Variants in PPM1E observed in about 807,000 individuals in gnomAD.
PPM1E encodes the protein protein phosphatase, Mg2+/Mn2+ dependent 1E.
In PPM1E, 20 loss-of-function variants were observed where a neutral mutation model predicts 65.9. The ratio of observed to expected loss-of-function variants is 0.30; its 90% CI spans 0.21 to 0.44. PPM1E has a LOEUF of 0.44. PPM1E is among the 20% of genes least tolerant of loss of function. The pLI, the probability that PPM1E is intolerant of heterozygous loss-of-function variation, is 1.00. For missense variants in PPM1E, 713 were observed against 953.1 expected (o/e 0.75, Z 3.32); for synonymous variants, 352 against 374.9 (o/e 0.94, Z 0.70).
chr17:58,885,527 G>C (rs915005256), intron 1 of PPM1E, among the ~76,000 whole-genome samples: 2 of 152,166 alleles, frequency 1.3e-5, no homozygotes, highest in Non-Finnish European at 2.9e-5. Flanking sequence ...TAAGGAATAA[G>C]CCTTACTTTT....
At chr17:58,899,523 C>T in intron 1 of PPM1E, 1 of 228,310 alleles carries the variant, frequency 4.4e-6, no homozygotes, top group Non-Finnish European at 9.2e-6. Context: ...ACCGTATCAC[C>T]CTAATTAAGG....
intron 2 of PPM1E, among the ~76,000 whole-genome samples, chr17:58,964,989 G>A (rs560381865): frequency 2.7e-4 from 41 of 151,598 alleles, no homozygotes; most frequent in African/African-American, 9.9e-4. Flanking sequence ...AGGTTGCAGT[G>A]AGCCAAGATC....
chr17:58,787,465 G>A (rs2050111354), intron 1 of PPM1E, among the ~76,000 whole-genome samples: 1 of 151,552 alleles, frequency 6.6e-6, no homozygotes, highest in Admixed American at 6.6e-5. Context: ...TCTAAAAATG[G>A]ATTTTTCTCT....
At chr17:58,780,518 C>A (rs2050040332) in intron 1 of PPM1E, among the ~76,000 whole-genome samples, 1 of 152,174 alleles carries the variant, frequency 6.6e-6, no homozygotes. Context: ...GGCTTGGCAT[C>A]TTTTCACATG....
At chr17:58,775,408 C>T (rs971415770) in intron 1 of PPM1E, among the ~76,000 whole-genome samples, 1 of 152,048 alleles carries the variant, frequency 6.6e-6, no homozygotes, top group Admixed American at 6.6e-5. Flanking sequence ...GCATTCTCAA[C>T]CGCTCTATAA....
chr17:58,836,220 A>G (rs774820028), intron 1 of PPM1E, among the ~76,000 whole-genome samples: 2 of 152,108 alleles, frequency 1.3e-5, no homozygotes, highest in African/African-American at 4.8e-5. Flanking sequence ...AAGTGACAAG[A>G]CTACTAACTT....
intron 1 of PPM1E, among the ~76,000 whole-genome samples, chr17:58,801,565 C>A (rs2050258781): frequency 1.3e-5 from 2 of 150,970 alleles, no homozygotes; most frequent in Admixed American, 6.6e-5. Context: ...CCTCAGCCTC[C>A]CAAGTACCTG....
intron 1 of PPM1E, among the ~76,000 whole-genome samples, chr17:58,852,292 A>G (rs1403041897): frequency 6.6e-6 from 1 of 152,136 alleles, no homozygotes; most frequent in East Asian, 1.9e-4. Flanking sequence ...CCCCAGTGAG[A>G]TGAACCCAGT....
intron 1 of PPM1E, among the ~76,000 whole-genome samples, chr17:58,924,842 A>C (rs9894064): frequency 0.64 from 96,172 of 149,506 alleles, 30,968 homozygotes; most frequent in African/African-American, 0.72. Context: ...GTTTTCTGTT[A>C]CTGTGTTAGT....
rs148206747 is a variant in PPM1E at position 58,799,412 on chromosome 17, G to T, written c.464+42951G>T. On this transcript the variant is annotated intron_variant, in intron 1 of 6. Coordinates refer to ENST00000308249, the MANE Select transcript of PPM1E (RefSeq NM_014906.5). ...CTCTCACCTCGGTCCCCCCTGAGCA[G>T]CTGGGACCACAGGCGTGTGCCACCA... is the stretch of plus-strand genomic sequence containing the variant. Among the ~76,000 whole-genome samples the T allele has an allele frequency of 6.5e-3, 978 of 150,972 alleles. 12 individuals are homozygous for T. The highest frequency in any genetic ancestry group is 0.017 in the South Asian group (83 of 4,744).
chr17:58,913,534 A>G (rs1200577865), intron 1 of PPM1E, among the ~76,000 whole-genome samples: 2 of 152,232 alleles, frequency 1.3e-5, no homozygotes, highest in African/African-American at 4.8e-5. Context: ...AAGTAGTGTA[A>G]TAAACGTAGA....
intron 1 of PPM1E, among the ~76,000 whole-genome samples, chr17:58,908,846 G>A (rs2051589609): frequency 6.6e-6 from 1 of 152,110 alleles, no homozygotes; most frequent in African/African-American, 2.4e-5. Flanking sequence ...GATAGTGTGA[G>A]TGTATTATAA....
intron 1 of PPM1E, among the ~76,000 whole-genome samples, chr17:58,874,952 C>T (rs1567860735): frequency 1.3e-5 from 2 of 152,148 alleles, no homozygotes; most frequent in Admixed American, 1.3e-4. Flanking sequence ...ATCCTCTCCC[C>T]TCCTGCCCCA....
chr17:58,975,107 A>G (rs1383007515), intron 6 of PPM1E, among the ~76,000 whole-genome samples: 1 of 152,164 alleles, frequency 6.6e-6, no homozygotes, highest in African/African-American at 2.4e-5. Flanking sequence ...TTGACTGAAA[A>G]TCACCGAACC....
At chr17:58,800,646 G>A (rs190160104) in intron 1 of PPM1E, among the ~76,000 whole-genome samples, 96 of 152,164 alleles carry the variant, frequency 6.3e-4, no homozygotes, top group African/African-American at 2.2e-3. Context: ...CTAAGTCTTC[G>A]TAAATGATGT....
chr17:58,863,133 G>T (rs556287159), intron 1 of PPM1E, among the ~76,000 whole-genome samples: 4 of 152,312 alleles, frequency 2.6e-5, no homozygotes, highest in East Asian at 3.9e-4. Context: ...CTGAAGCATG[G>T]TGTCCATTTT....
chr17:58,952,876 A>G (rs1473617576), intron 1 of PPM1E, among the ~76,000 whole-genome samples: 1 of 152,060 alleles, frequency 6.6e-6, no homozygotes, highest in Non-Finnish European at 1.5e-5. Context: ...GGGTTTCACC[A>G]TGTAGGCCAG....
chr17:58,831,751 T>C (rs1007706295), intron 1 of PPM1E, among the ~76,000 whole-genome samples: 1 of 152,346 alleles, frequency 6.6e-6, no homozygotes, highest in Admixed American at 6.5e-5. Context: ...TGTTCTGGTA[T>C]GTTAAGGTTG....
chr17:58,789,944 A>T lies in PPM1E; in HGVS notation c.464+33483A>T, dbSNP rs562916319. Among the ~76,000 whole-genome samples, 35 of 152,258 alleles carry T rather than the reference A, an allele frequency of 2.3e-4. No individual in the cohort carries two copies. The South Asian group carries it at 6.4e-3, about 28-fold the overall frequency. On this transcript the variant is annotated intron_variant, in intron 1 of 6. Transcript: ENST00000308249. Reference sequence around the variant, plus strand: ...GAAAGTAAATTTCTTGAAGGCAGGCACTATAGAATTTTCATTCTAGCACAA... The same window carrying T: ...GAAAGTAAATTTCTTGAAGGCAGGCTCTATAGAATTTTCATTCTAGCACAA...
Sources: allele counts gnomAD v4.1 joint callset (sites outside exome capture counted in the v4.1 genomes callset), GRCh38; gene constraint gnomAD v4.1.1; transcripts MANE v1.5; gene names NCBI Gene and HGNC (gene_info 2026-07-23, HGNC 2026-07-21).